The following FAP variants were observed in gnomAD, a reference collection of about 807,000 sequenced individuals.
FAP encodes the protein prolyl endopeptidase FAP.
In FAP, 110 loss-of-function variants were observed where a neutral mutation model predicts 126.5. The ratio of observed to expected loss-of-function variants is 0.87; its 90% confidence interval spans 0.74 to 1.02. The LOEUF (loss-of-function observed/expected upper bound fraction) is 1.02, where lower values mean the gene tolerates loss of function less well. FAP is among the 50% of genes least tolerant of loss of function. The probability of loss-of-function intolerance (pLI) is 0.00; values close to 1 mark genes in which losing one functional copy is unlikely to be tolerated. For synonymous variants in FAP, 334 were observed against 297.3 expected (o/e 1.12, Z -1.27); for missense variants, 919 against 909.2 (o/e 1.01, Z -0.14).
chr2:162,172,767 T>G, intron 25 of FAP, 44 bp downstream of exon 25: 2 of 1,310,942 alleles, frequency 1.5e-6, no homozygotes, highest in Non-Finnish European at 2.2e-6. Flanking sequence ...CCTTTTAGCT[T>G]GAGGGTCTAA....
At chr2:162,202,446 G>C (rs2106247439) in intron 14 of FAP, among the ~76,000 whole-genome samples, 1 of 152,296 alleles carries the variant, frequency 6.6e-6, no homozygotes, top group African/African-American at 2.4e-5. Flanking sequence ...CTGGTACACA[G>C]TAATTGCTCC....
Position 162,198,165 on chromosome 2 carries a change from G to T in FAP, c.1402+592C>A, listed in dbSNP as rs1316650334. 7.8e-6 allele frequency: 10 copies of T among 1,284,286 alleles called. No homozygotes were observed. In the East Asian group the frequency reaches 5.6e-4, roughly 71 times the overall value. 79.6% of individuals were successfully genotyped at this position (1,284,286 alleles called of 1,614,324 possible). A position where few individuals can be genotyped will look rare whatever the true frequency, so the allele number is the denominator to read the frequency against. On this transcript the variant is annotated intron_variant, in intron 16 of 25. Transcript: ENST00000188790. ...TTATTACTTATGGTTTGTTATATTT[G>T]ATGCATTACTTACGATGTTTTCCAA...
chr2:162,182,122 G>C (rs980124412), intron 21 of FAP, among the ~76,000 whole-genome samples: 16 of 152,166 alleles, frequency 1.1e-4, no homozygotes, highest in Admixed American at 7.9e-4. Context: ...GGCTGATAGG[G>C]ATGTATTTTT....
At chr2:162,177,086 C>A (rs778909637) in intron 21 of FAP, among the ~76,000 whole-genome samples, 1 of 152,104 alleles carries the variant, frequency 6.6e-6, no homozygotes, top group East Asian at 1.9e-4. Flanking sequence ...TCCTGCCCCC[C>A]CTCCATGAGT....
At chr2:162,182,046 T>A (rs1687711764) in intron 21 of FAP, among the ~76,000 whole-genome samples, 1 of 152,236 alleles carries the variant, frequency 6.6e-6, no homozygotes, top group African/African-American at 2.4e-5. Flanking sequence ...GTGGGGGTTC[T>A]AATGTACTAT....
intron 12 of FAP, among the ~76,000 whole-genome samples, chr2:162,208,253 T>G (rs1688788073): frequency 6.7e-6 from 1 of 150,202 alleles, no homozygotes. Flanking sequence ...AGATTCCGTC[T>G]TAAAAAAAAA....
At chr2:162,194,607 T>C in intron 17 of FAP, 94 bp downstream of exon 17, 1 of 1,043,116 alleles carries the variant, frequency 9.6e-7, no homozygotes, top group Non-Finnish European at 1.5e-6. Flanking sequence ...TTCCCCTTGG[T>C]GGTGTGGAGA....
intron 6 of FAP, among the ~76,000 whole-genome samples, chr2:162,223,037 A>G (rs897170996): frequency 6.6e-6 from 1 of 151,872 alleles, no homozygotes; most frequent in Admixed American, 6.6e-5. Context: ...GTTTATATGT[A>G]TATATATATA....
At chr2:162,192,155 C>G (rs1289315322) in intron 17 of FAP, among the ~76,000 whole-genome samples, 1 of 152,140 alleles carries the variant, frequency 6.6e-6, no homozygotes, top group Admixed American at 6.6e-5. Context: ...CACCAATCCC[C>G]TCTTCTCATC....
rs1687855016 is a variant in FAP, at chr2:162,185,949, G to A, written c.1814+2220C>T. ...TGGATTATAAGGCTTCCTTTTCACA[G>A]TTGCATAAGAACAATTTCAAGCAAA... On this transcript the variant is annotated intron_variant, in intron 20 of 25. Transcript: ENST00000188790. 3.9e-5 allele frequency among the ~76,000 whole-genome samples: 6 copies of A among 152,172 alleles called. No homozygotes were observed. The South Asian group carries it at 1.0e-3, about 26-fold the overall frequency.
intron 12 of FAP, among the ~76,000 whole-genome samples, chr2:162,205,147 T>C (rs149129952): frequency 3.3e-5 from 5 of 152,172 alleles, no homozygotes; most frequent in Admixed American, 6.5e-5. Context: ...TGGTTCTGAG[T>C]GCTGCCTGAT....
chr2:162,171,068 G>T lies in FAP; in HGVS notation c.2194C>A (p.Gln732Lys). The T allele has an allele frequency of 6.2e-7, 1 of 1,612,720 alleles. No individual in the cohort carries two copies. Among genetic ancestry groups the T allele is most frequent in the Non-Finnish European group, 8.5e-7 (1 of 1,179,062 alleles). Residue 732 changes from glutamine (Q) to lysine (K), a missense_variant, in exon 26 of 26, where the codon CAG (glutamine) becomes AAG (lysine). By Grantham distance (53) the Gln-to-Lys change is moderately conservative. Coordinates refer to ENST00000188790, the MANE Select transcript of FAP (RefSeq NM_004460.5). ...GACAGGCCGGATAAGCCGTGGTTCT[G>T]GTCAGAGTACCACTGAAACACAAAG... The part of the protein sequence containing the change: ...VDFQAMWYSD[Q>K]NHGLSGLSTN...
At chr2:162,210,849 T>C (rs1688904117) in intron 11 of FAP, among the ~76,000 whole-genome samples, 1 of 152,156 alleles carries the variant, frequency 6.6e-6, no homozygotes. Context: ...GCAGTGAGAA[T>C]AGAACAGAGA....
Position 162,202,902 on chromosome 2 carries a change from A to G in FAP, c.1193T>C (p.Ile398Thr). Residue 398 changes from isoleucine to threonine, a missense_variant, in exon 14 of 26, where the codon ATA (isoleucine) becomes ACA (threonine). Coordinates refer to ENST00000188790, the MANE Select transcript of FAP (RefSeq NM_004460.5). ...IQITSGKWEA[I>T]NIFRVTQDSL... ...ATCCTGTGTTACTCTGAATATATTT[A>G]TGGCCTCCCACTTGCCACTTGTAAT... 1 of 1,613,798 alleles carries G rather than the reference A, an allele frequency of 6.2e-7. No homozygotes were observed. Among genetic ancestry groups the G allele is most frequent in the South Asian group, 1.1e-5 (1 of 91,074 alleles).
intron 20 of FAP, among the ~76,000 whole-genome samples, chr2:162,186,137 G>A (rs1397623593): frequency 1.3e-5 from 2 of 152,064 alleles, no homozygotes; most frequent in Admixed American, 6.6e-5. Flanking sequence ...CAGATTGCAA[G>A]CACACTGAAA....
intron 2 of FAP, among the ~76,000 whole-genome samples, chr2:162,232,978 T>C (rs1689957846): frequency 6.6e-6 from 1 of 152,164 alleles, no homozygotes; most frequent in Non-Finnish European, 1.5e-5. Flanking sequence ...TGCTTCTACA[T>C]GGGGCTGGAG....
At chr2:162,227,844 T>G (rs1689718694) in intron 2 of FAP, among the ~76,000 whole-genome samples, 1 of 152,132 alleles carries the variant, frequency 6.6e-6, no homozygotes, top group Non-Finnish European at 1.5e-5. Flanking sequence ...TTTTCTAGTC[T>G]CTCTCCTTTA....
intron 2 of FAP, among the ~76,000 whole-genome samples, chr2:162,238,021 GT>G (rs925069443): frequency 2.8e-4 from 42 of 150,788 alleles, no homozygotes; most frequent in Middle Eastern, 3.5e-3. Flanking sequence ...TGTTCATGTC[GT>G]TTGCCCACTT....
At chr2:162,239,806 C>G (rs1375747456) in intron 2 of FAP, among the ~76,000 whole-genome samples, 1 of 152,116 alleles carries the variant, frequency 6.6e-6, no homozygotes, top group African/African-American at 2.4e-5. Flanking sequence ...TCAAATAGTT[C>G]CTATGATTTC....
Sources: gnomAD v4.1 joint callset for allele counts (sites outside exome capture counted in the v4.1 genomes callset) on GRCh38, gnomAD v4.1.1 for gene constraint, MANE v1.5 for transcripts, NCBI Gene and HGNC (gene_info 2026-07-23, HGNC 2026-07-21) for gene names.